The following UBE2R2 variants were observed in gnomAD, a reference collection of about 807,000 sequenced individuals.
UBE2R2 encodes ubiquitin conjugating enzyme E2 R2, also known as ubiquitin-conjugating enzyme E2 R2.
Under a neutral mutation model 27.8 loss-of-function variants are expected in UBE2R2, and 1 was observed. The ratio of observed to expected loss-of-function variants is 0.04; its 90% CI spans 0.01 to 0.17. The LOEUF (loss-of-function observed/expected upper bound fraction) is 0.17, where lower values mean the gene tolerates loss of function less well. Among genes scored for constraint, UBE2R2 ranks in the 10% least tolerant of loss-of-function variants. UBE2R2 has a pLI of 1.00. For missense variants in UBE2R2, 100 were observed against 291.0 expected (o/e 0.34, Z 4.78); for synonymous variants, 106 against 113.3 (o/e 0.94, Z 0.41).
intron 1 of UBE2R2, among the ~76,000 whole-genome samples, chr9:33,832,391 T>C (rs1349544809): frequency 6.6e-6 from 1 of 151,696 alleles, no homozygotes; most frequent in Non-Finnish European, 1.5e-5. Context: ...GCGCTGTGGC[T>C]CATGCCTGTA....
chr9:33,910,526 G>A (rs1173256603), intron 3 of UBE2R2, among the ~76,000 whole-genome samples: 3 of 152,156 alleles, frequency 2.0e-5, no homozygotes, highest in South Asian at 2.1e-4. Context: ...AAAATTGGCC[G>A]TTTGTAACAC....
chr9:33,832,669 A>AG (rs993813567), intron 1 of UBE2R2, among the ~76,000 whole-genome samples: 15 of 152,010 alleles, frequency 9.9e-5, no homozygotes, highest in Non-Finnish European at 1.6e-4. Context: ...AAAAAAAAAA[A>AG]AAAGAAAGAA....
intron 3 of UBE2R2, among the ~76,000 whole-genome samples, chr9:33,901,487 T>C (rs1168878847): frequency 1.3e-5 from 2 of 152,234 alleles, no homozygotes; most frequent in Non-Finnish European, 2.9e-5. Context: ...CTATACCTCC[T>C]TGAAGCCAGG....
intron 1 of UBE2R2, among the ~76,000 whole-genome samples, chr9:33,859,799 TGAGAGA>T (rs376101396): frequency 6.9e-5 from 6 of 86,520 alleles, no homozygotes; most frequent in Non-Finnish European, 1.2e-4. Context: ...TGTGTGTGTG[TGAGAGA>T]GAGAGAGAGA....
At chr9:33,898,274 G>C (rs2130807611) in intron 2 of UBE2R2, among the ~76,000 whole-genome samples, 1 of 151,862 alleles carries the variant, frequency 6.6e-6, no homozygotes, top group East Asian at 1.9e-4. Flanking sequence ...TAGAGATGGG[G>C]TTTCATCATA....
intron 1 of UBE2R2, among the ~76,000 whole-genome samples, chr9:33,838,279 G>GT (rs11443878): frequency 0.41 from 56,564 of 136,982 alleles, 11,583 homozygotes; most frequent in South Asian, 0.49. Context: ...TTTTTTTCTT[G>GT]TTTTTTTTTC....
chr9:33,908,194 T>A (rs1387572141), intron 3 of UBE2R2, among the ~76,000 whole-genome samples: 1 of 152,228 alleles, frequency 6.6e-6, no homozygotes, highest in African/African-American at 2.4e-5. Context: ...TTTAGTTTTT[T>A]CCAGTTCACA....
At chr9:33,834,534 A>G (rs987086217) in intron 1 of UBE2R2, among the ~76,000 whole-genome samples, 3 of 151,690 alleles carry the variant, frequency 2.0e-5, no homozygotes, top group African/African-American at 4.8e-5. Flanking sequence ...TTAGTCCACC[A>G]TCTTCCATGA....
At chr9:33,906,637 T>G (rs1822362445) in intron 3 of UBE2R2, among the ~76,000 whole-genome samples, 1 of 152,142 alleles carries the variant, frequency 6.6e-6, no homozygotes, top group African/African-American at 2.4e-5. Context: ...AAGTTATGCT[T>G]ATGGTGACAT....
rs546886989 is a variant in UBE2R2, at chr9:33,844,708, C to T, written c.177+26774C>T. ...TTGACTGCTCAAATAAACAACTGAG[C>T]TGTATCAGTAACATATGTTGAGTCC... On this transcript the variant is annotated intron_variant, in intron 1 of 4. Coordinates refer to ENST00000263228, the MANE Select transcript of UBE2R2 (RefSeq NM_017811.4). 3.3e-5 allele frequency among the ~76,000 whole-genome samples: 5 copies of T among 152,110 alleles called. No individual in the cohort carries two copies. In the South Asian group the frequency reaches 8.3e-4, roughly 25 times the overall value.
At chr9:33,863,029 A>G (rs1821276680) in intron 1 of UBE2R2, among the ~76,000 whole-genome samples, 1 of 152,032 alleles carries the variant, frequency 6.6e-6, no homozygotes, top group African/African-American at 2.4e-5. Flanking sequence ...TCTACTAAAA[A>G]TACAAAAAAT....
chr9:33,883,368 AC>A (rs1821775345), intron 1 of UBE2R2, among the ~76,000 whole-genome samples: 1 of 152,144 alleles, frequency 6.6e-6, no homozygotes, highest in South Asian at 2.1e-4. Flanking sequence ...GCAGACCTAT[AC>A]TCCTGATGAA....
chr9:33,830,157 A>AT (rs1820427444), intron 1 of UBE2R2, among the ~76,000 whole-genome samples: 2 of 111,440 alleles, frequency 1.8e-5, no homozygotes, highest in African/African-American at 3.1e-5. Context: ...CAAGTTTCAT[A>AT]ATTTTTTTTT....
intron 1 of UBE2R2, among the ~76,000 whole-genome samples, chr9:33,825,493 G>A (rs530874109): frequency 2.0e-5 from 3 of 151,880 alleles, no homozygotes; most frequent in Non-Finnish European, 4.4e-5. Context: ...CACCCACCTC[G>A]GCCTCCCAAA....
At chr9:33,831,515 C>G (rs1820480671) in intron 1 of UBE2R2, among the ~76,000 whole-genome samples, 1 of 152,160 alleles carries the variant, frequency 6.6e-6, no homozygotes, top group Non-Finnish European at 1.5e-5. Context: ...CTCCCAAGTT[C>G]AAGCTGTTCT....
intron 1 of UBE2R2, among the ~76,000 whole-genome samples, chr9:33,848,676 G>A (rs978469238): frequency 6.6e-6 from 1 of 150,932 alleles, no homozygotes; most frequent in Admixed American, 6.6e-5. Context: ...ATCTCGGCTC[G>A]CTGCAACCTC....
chr9:33,886,718 GA>G (rs1821866606), intron 1 of UBE2R2, among the ~76,000 whole-genome samples, 162 bp from the exon 2 acceptor site: 1 of 150,646 alleles, frequency 6.6e-6, no homozygotes, highest in Non-Finnish European at 1.5e-5. Flanking sequence ...ACTTACTAAT[GA>G]CCCTGGCACT....
At chr9:33,843,145 G>A (rs868802333) in intron 1 of UBE2R2, among the ~76,000 whole-genome samples, 1 of 150,194 alleles carries the variant, frequency 6.7e-6, no homozygotes, top group African/African-American at 2.5e-5. Context: ...CCTCCTGGGG[G>A]TGAAGCGATT....
At chr9:33,895,485 A>C (rs1379436978) in intron 2 of UBE2R2, among the ~76,000 whole-genome samples, 1 of 152,162 alleles carries the variant, frequency 6.6e-6, no homozygotes, top group African/African-American at 2.4e-5. Flanking sequence ...AGGAAGTGTG[A>C]ATCCTCCAAC....
Sources: allele counts gnomAD v4.1 joint callset (sites outside exome capture counted in the v4.1 genomes callset), GRCh38; gene constraint gnomAD v4.1.1; transcripts MANE v1.5; gene names NCBI Gene and HGNC (gene_info 2026-07-23, HGNC 2026-07-21).